FHIT: variants seen among roughly 807,000 people sequenced by gnomAD.
FHIT encodes the protein bis(5'-adenosyl)-triphosphatase.
FHIT carries 19 observed loss-of-function variants against 17.9 expected under a neutral mutation model. That is an observed-to-expected ratio of 1.06 (90% CI 0.74 to 1.56). The LOEUF is 1.56. Among genes scored for constraint, FHIT ranks in the 40% most tolerant of loss-of-function variants. The pLI, the probability that FHIT is intolerant of heterozygous loss-of-function variation, is 0.00. For synonymous variants in FHIT, 81 were observed against 69.7 expected (o/e 1.16, Z -0.81); for missense variants, 248 against 189.2 (o/e 1.31, Z -1.82).
chr3:59,770,648 T>A (rs2106829237), intron 8 of FHIT, among the ~76,000 whole-genome samples: 1 of 152,242 alleles, frequency 6.6e-6, no homozygotes, highest in South Asian at 2.1e-4. Flanking sequence ...ACGACAAATT[T>A]CCATTGTTTA....
intron 4 of FHIT, among the ~76,000 whole-genome samples, chr3:60,614,820 G>GTT (rs1191171215): frequency 1.9e-4 from 11 of 58,890 alleles, no homozygotes; most frequent in Admixed American, 6.3e-4. Context: ...TTTTTTTTTT[G>GTT]TTTTTTTTTT....
intron 5 of FHIT, among the ~76,000 whole-genome samples, chr3:60,289,400 A>G (rs1395521593): frequency 6.6e-6 from 1 of 152,196 alleles, no homozygotes; most frequent in South Asian, 2.1e-4. Flanking sequence ...CCTTTAATTT[A>G]TAGCTCCAGA....
chr3:60,355,072 G>A (rs1477217815), intron 5 of FHIT, among the ~76,000 whole-genome samples: 1 of 152,080 alleles, frequency 6.6e-6, no homozygotes, highest in East Asian at 1.9e-4. Context: ...AAATAATTCA[G>A]TCAAACAAAA....
intron 8 of FHIT, among the ~76,000 whole-genome samples, chr3:59,836,975 G>A (rs371183904): frequency 4.6e-5 from 7 of 152,212 alleles, no homozygotes; most frequent in African/African-American, 7.2e-5. Flanking sequence ...CTCACTATAC[G>A]TCTATGCTAT....
At chr3:60,149,703 C>T (rs954827208) in intron 5 of FHIT, among the ~76,000 whole-genome samples, 1 of 151,978 alleles carries the variant, frequency 6.6e-6, no homozygotes, top group African/African-American at 2.4e-5. Flanking sequence ...TATAAGGTCG[C>T]AGTAGAATTC....
chr3:59,884,772 A>G (rs955764492), intron 8 of FHIT, among the ~76,000 whole-genome samples: 3 of 152,302 alleles, frequency 2.0e-5, no homozygotes, highest in South Asian at 4.1e-4. Flanking sequence ...TCAGTTGCCA[A>G]TGAGCTGCTG....
intron 8 of FHIT, among the ~76,000 whole-genome samples, chr3:59,821,531 G>A (rs1031883487): frequency 9.2e-5 from 14 of 152,142 alleles, no homozygotes; most frequent in African/African-American, 3.4e-4. Context: ...CAGATGGGAT[G>A]CTAACTGGAA....
intron 5 of FHIT, among the ~76,000 whole-genome samples, chr3:60,145,909 C>G (rs930593594): frequency 6.6e-6 from 1 of 152,180 alleles, no homozygotes. Context: ...AATAATCTGT[C>G]AGGTTGTTAT....
chr3:59,927,472 A>AAAAAAAAC (rs1553718384), intron 7 of FHIT, among the ~76,000 whole-genome samples: 44 of 146,792 alleles, frequency 3.0e-4, no homozygotes, highest in Admixed American at 1.9e-3. Context: ...TTAAAAAAAA[A>AAAAAAAAC]AAAAAAAACT....
intron 4 of FHIT, among the ~76,000 whole-genome samples, chr3:60,764,361 A>G (rs2108060693): frequency 6.6e-6 from 1 of 152,280 alleles, no homozygotes; most frequent in South Asian, 2.1e-4. Context: ...TTCAGAAACA[A>G]AGCCCAAAGG....
intron 5 of FHIT, among the ~76,000 whole-genome samples, chr3:60,157,230 G>C (rs868400913): frequency 2.8e-4 from 42 of 152,272 alleles, no homozygotes; most frequent in Middle Eastern, 3.4e-3. Flanking sequence ...CTGAAAGCAT[G>C]GTACGAAAGA....
At chr3:60,516,728 G>T (rs2035173773) in intron 5 of FHIT, among the ~76,000 whole-genome samples, 1 of 152,172 alleles carries the variant, frequency 6.6e-6, no homozygotes, top group Non-Finnish European at 1.5e-5. Flanking sequence ...TATGTTAGAT[G>T]AATAAATAAA....
chr3:60,699,125 T>C (rs1435964850), intron 4 of FHIT, among the ~76,000 whole-genome samples: 1 of 152,206 alleles, frequency 6.6e-6, no homozygotes, highest in African/African-American at 2.4e-5. Context: ...TTGTAAAATA[T>C]AACTTTTAAG....
chr3:59,996,953 A>G (rs1209180604), intron 7 of FHIT, among the ~76,000 whole-genome samples: 1 of 152,160 alleles, frequency 6.6e-6, no homozygotes, highest in Non-Finnish European at 1.5e-5. Flanking sequence ...CCTACAAACA[A>G]GATCCTTCTG....
At chr3:60,563,368 G>T (rs2037021997) in intron 4 of FHIT, among the ~76,000 whole-genome samples, 1 of 152,170 alleles carries the variant, frequency 6.6e-6, no homozygotes, top group Non-Finnish European at 1.5e-5. Flanking sequence ...GTGCTTCTCA[G>T]ATATTGCATT....
At chr3:61,093,291 GC>G (rs1299824604) in intron 2 of FHIT, among the ~76,000 whole-genome samples, 13 of 152,156 alleles carry the variant, frequency 8.5e-5, no homozygotes, top group African/African-American at 3.1e-4. Flanking sequence ...GAGCAAGAAA[GC>G]AGTAGTTCTC....
intron 5 of FHIT, among the ~76,000 whole-genome samples, chr3:60,509,210 G>A (rs2034851529): frequency 6.6e-6 from 1 of 152,146 alleles, no homozygotes; most frequent in Non-Finnish European, 1.5e-5. Flanking sequence ...GGACATGTAT[G>A]GTTGGAGCTA....
chr3:59,882,454 T>C (rs1703448196), intron 8 of FHIT, among the ~76,000 whole-genome samples: 1 of 133,358 alleles, frequency 7.5e-6, no homozygotes, highest in Non-Finnish European at 1.6e-5. Context: ...CAGAGCAGAC[T>C]GTAATTGAGT....
At chr3:59,971,221 C>T (rs987533115) in intron 7 of FHIT, among the ~76,000 whole-genome samples, 2 of 152,036 alleles carry the variant, frequency 1.3e-5, no homozygotes, top group East Asian at 1.9e-4. Context: ...TGAAAGTAGT[C>T]GGCTTTACAA....
Sources: gnomAD v4.1 joint callset for allele counts (sites outside exome capture counted in the v4.1 genomes callset) on GRCh38, gnomAD v4.1.1 for gene constraint, MANE v1.5 for transcripts, NCBI Gene and HGNC (gene_info 2026-07-23, HGNC 2026-07-21) for gene names.